The following UGT2A1 variants were observed in gnomAD, a reference collection of about 807,000 sequenced individuals.
The protein encoded by UGT2A1 is UDP glucuronosyltransferase family 2 member A1 complex locus, also known as UDP-glucuronosyltransferase 2A1.
A neutral mutation model predicts 45.4 loss-of-function variants in UGT2A1; 61 were observed. The observed-to-expected ratio is 1.34, with a 90% CI of 1.09 to 1.66. The LOEUF (loss-of-function observed/expected upper bound fraction) is 1.66. Ranked by LOEUF, UGT2A1 falls within the 40% of genes most tolerant of loss-of-function variation. The pLI is 0.00. For synonymous variants in UGT2A1, 229 were observed against 196.2 expected, an observed-to-expected ratio of 1.17 and a Z score of -1.40; for missense variants, 649 against 574.3, an observed-to-expected ratio of 1.13 and a Z score of -1.33.
intron 2 of UGT2A1, among the ~76,000 whole-genome samples, chr4:69,641,452 A>G (rs1722044242): frequency 6.6e-6 from 1 of 151,702 alleles, no homozygotes; most frequent in Admixed American, 6.6e-5. Flanking sequence ...TGCTCCCTGA[A>G]TATTGCACCT....
Position 69,594,535 on chromosome 4 carries a change from T to C in UGT2A1, c.1246A>G (p.Asn416Asp). 3 of 1,614,146 alleles carry C rather than the reference T, an allele frequency of 1.9e-6. No homozygotes were observed. The highest frequency in any genetic ancestry group is 1.7e-6 in the Non-Finnish European group (2 of 1,180,030). ...AGCAAATCCACACTTGTCATTGTGT[T>C]TAGGTTCACTTCCACAGCTGCTCCT... Reference protein sequence around the residue: ...AKGAAVEVNLNTMTSVDLLSA... With the variant: ...AKGAAVEVNLDTMTSVDLLSA... The change falls in exon 6 of 7, where the codon AAC (asparagine) becomes GAC (aspartate). Residue 416 changes from asparagine (N) to aspartate (D), a missense_variant. By Grantham distance (23) the Asn-to-Asp change is conservative (BLOSUM62 1). Coordinates refer to ENST00000286604, the MANE Select transcript of UGT2A1 (RefSeq NM_001252275.3).
chr4:69,633,888 C>G (rs949060390), intron 3 of UGT2A1, among the ~76,000 whole-genome samples: 7 of 152,034 alleles, frequency 4.6e-5, no homozygotes, highest in African/African-American at 1.7e-4. Flanking sequence ...GGTGGGGTTA[C>G]TTCGTGAAAC....
In UGT2A1 at chr4:69,599,226, C is replaced by T. The variant is rs764083913; in HGVS notation, c.996+20G>A. On this transcript the variant is annotated intron_variant, in intron 4 of 6. Transcript: ENST00000286604. The stretch of plus-strand genomic sequence containing the variant: ...ATTTTATTATGAAGAGCATAAAATC[C>T]TCCACTGTTGTAGACCTACCTTAGG... 5.7e-6 allele frequency: 9 copies of T among 1,588,470 alleles called. No homozygotes were observed. The African/African-American group carries it at 9.6e-5, about 17-fold the overall frequency.
At chr4:69,591,426 G>A (rs1718591678) in intron 6 of UGT2A1, among the ~76,000 whole-genome samples, 3 of 152,144 alleles carry the variant, frequency 2.0e-5, no homozygotes, top group South Asian at 2.1e-4. Context: ...CTAAAGACCT[G>A]GGATCAAAGG....
intron 3 of UGT2A1, among the ~76,000 whole-genome samples, chr4:69,624,776 A>G (rs965565712): frequency 1.3e-5 from 2 of 151,428 alleles, no homozygotes; most frequent in Non-Finnish European, 3.0e-5. Context: ...ACTTCACAAT[A>G]CAATAAATAT....
chr4:69,606,114 C>T (rs1004453070), intron 3 of UGT2A1, among the ~76,000 whole-genome samples: 6 of 116,958 alleles, frequency 5.1e-5, no homozygotes, highest in Admixed American at 4.0e-4. Flanking sequence ...GGCAGAGACA[C>T]AACAAAAAAA....
At chr4:69,628,852 C>A (rs2109951675) in intron 3 of UGT2A1, among the ~76,000 whole-genome samples, 1 of 151,094 alleles carries the variant, frequency 6.6e-6, no homozygotes, top group East Asian at 2.0e-4. Flanking sequence ...CTATTATGGT[C>A]TATATTGAAA....
intron 1 of UGT2A1, among the ~76,000 whole-genome samples, chr4:69,651,677 T>C (rs1290379306): frequency 6.6e-6 from 1 of 152,232 alleles, no homozygotes; most frequent in East Asian, 1.9e-4. Context: ...AAGCTCTTTA[T>C]GATCCACAGC....
At position 69,646,943 on chromosome 4, in the gene UGT2A1, A is replaced by G. The variant is rs778091948; in HGVS notation, c.702T>C (p.Tyr234=). Residue 234 remains tyrosine (Y), a synonymous_variant, in exon 2 of 7, where the codon TAT becomes TAC. Transcript: ENST00000286604. ...ETLWKSWDSY[Y]SKALGGLLLC... The stretch of plus-strand genomic sequence containing the variant: ...TTTGTTACATACCTAAAGCTTTACT[A>G]TAGTATGAATCCCATGATTTCCAAA... The G allele has an allele frequency of 6.3e-6, 10 of 1,585,914 alleles. No homozygotes were observed. The East Asian group carries it at 1.6e-4, about 25-fold the overall frequency.
At chr4:69,610,590 C>T (rs570086912) in intron 3 of UGT2A1, among the ~76,000 whole-genome samples, 2 of 152,034 alleles carry the variant, frequency 1.3e-5, no homozygotes, top group Admixed American at 6.6e-5. Context: ...GTATATGAAG[C>T]CTGACTGTAT....
chr4:69,600,727 C>A (rs1719233606), intron 3 of UGT2A1, among the ~76,000 whole-genome samples: 1 of 151,752 alleles, frequency 6.6e-6, no homozygotes, highest in Non-Finnish European at 1.5e-5. Context: ...CTAATCATGG[C>A]AGAAGGCAAC....
intron 3 of UGT2A1, among the ~76,000 whole-genome samples, chr4:69,634,038 G>A (rs1016083696): frequency 6.6e-6 from 1 of 152,094 alleles, no homozygotes; most frequent in Non-Finnish European, 1.5e-5. Flanking sequence ...GAGCTCAGGA[G>A]ATCGAGACCA....
chr4:69,601,746 ACT>A (rs1719310698), intron 3 of UGT2A1, among the ~76,000 whole-genome samples: 1 of 139,730 alleles, frequency 7.2e-6, no homozygotes, highest in African/African-American at 2.8e-5. Flanking sequence ...GCTGGTATCC[ACT>A]GATGGGAGAC....
At chr4:69,616,833 C>CTTT (rs4148315) in intron 3 of UGT2A1, among the ~76,000 whole-genome samples, 36,144 of 126,234 alleles carry the variant, frequency 0.29, 4,806 homozygotes, top group Admixed American at 0.38. Context: ...ATTTTCTTTT[C>CTTT]TTTTTTTTTT....
At chr4:69,593,897 C>T (rs962291899) in intron 6 of UGT2A1, among the ~76,000 whole-genome samples, 2 of 150,384 alleles carry the variant, frequency 1.3e-5, no homozygotes, top group African/African-American at 4.9e-5. Flanking sequence ...GCAGATTATC[C>T]AGAAAAAATG....
At chr4:69,652,756 T>C (rs1722599605) in intron 1 of UGT2A1, among the ~76,000 whole-genome samples, 2 of 152,176 alleles carry the variant, frequency 1.3e-5, no homozygotes, top group South Asian at 4.1e-4. Context: ...CATTCATGTG[T>C]TGTCTTAAGG....
intron 5 of UGT2A1, among the ~76,000 whole-genome samples, 181 bp from the exon 6 acceptor site, chr4:69,594,877 T>C (rs908906943): frequency 2.6e-5 from 4 of 152,150 alleles, no homozygotes; most frequent in Non-Finnish European, 4.4e-5. Context: ...AAGCAGTAAT[T>C]AACAGCATTT....
intron 2 of UGT2A1, among the ~76,000 whole-genome samples, chr4:69,637,688 G>A (rs1721788747): frequency 6.6e-6 from 1 of 151,976 alleles, no homozygotes; most frequent in Non-Finnish European, 1.5e-5. Flanking sequence ...ATATATCACA[G>A]GCTAAATTTA....
intron 3 of UGT2A1, among the ~76,000 whole-genome samples, chr4:69,622,723 G>A (rs1450972027): frequency 1.3e-5 from 2 of 151,746 alleles, no homozygotes; most frequent in South Asian, 2.1e-4. Flanking sequence ...TCTAGGCAAT[G>A]TGATGCTGCT....
Sources: allele counts gnomAD v4.1 joint callset (sites outside exome capture counted in the v4.1 genomes callset), GRCh38; gene constraint gnomAD v4.1.1; transcripts MANE v1.5; gene names NCBI Gene and HGNC (gene_info 2026-07-23, HGNC 2026-07-21).